STXBP2: variants seen among roughly 807,000 people sequenced by gnomAD.
The protein encoded by STXBP2 is syntaxin-binding protein 2.
Under a neutral mutation model 72.2 loss-of-function variants are expected in STXBP2, and 47 were observed. The ratio of observed to expected loss-of-function variants is 0.65; its 90% confidence interval spans 0.51 to 0.83. The LOEUF (loss-of-function observed/expected upper bound fraction) is 0.83, where lower values mean the gene tolerates loss of function less well. Among genes scored for constraint, STXBP2 ranks in the 40% least tolerant of loss-of-function variants. The pLI, the probability that STXBP2 is intolerant of heterozygous loss-of-function variation, is 0.00. For missense variants in STXBP2, 702 were observed against 807.6 expected (o/e 0.87, Z 1.58); for synonymous variants, 367 against 338.7 (o/e 1.08, Z -0.92).
chr19:7,646,442 A>G (rs2032142558), intron 16 of STXBP2, 98 bp downstream of exon 16: 1 of 1,133,808 alleles, frequency 8.8e-7, no homozygotes, highest in South Asian at 1.3e-5. Flanking sequence ...GCTTAGGGGA[A>G]AATGCTCATT....
the STXBP2 span, chr19:7,631,404 GGGGGT>G: frequency 2.8e-6 from 3 of 1,065,392 alleles, no homozygotes; most frequent in African/African-American, 4.8e-5. Context: ...GTGGGCGGGG[GGGGGT>G]GGTCCCGGCT....
upstream of STXBP2, among the ~76,000 whole-genome samples, chr19:7,634,271 G>A (rs1373913982): frequency 6.6e-6 from 1 of 152,010 alleles, no homozygotes. Flanking sequence ...CCCAAGCAGG[G>A]GATACCACTG....
chr19:7,640,050 TTG>T (rs201104139), intron 4 of STXBP2: 185 of 611,350 alleles, frequency 3.0e-4, no homozygotes, highest in South Asian at 5.2e-4. Context: ...GTGTGTGCAT[TTG>T]TGTGTATGTG....
rs918614261 is a variant in STXBP2, at chr19:7,639,314, C to G, written c.169+214C>G. On this transcript the variant is annotated intron_variant, in intron 3 of 18. Coordinates refer to ENST00000221283, the MANE Select transcript of STXBP2 (RefSeq NM_006949.4). ...CGGGAGCCCATGGATTGCAGGCCTC[C>G]CCTGCAGCACTCCCTGGCTGCAGCC... The G allele has an allele frequency of 9.3e-6, 6 of 648,566 alleles. No individual in the cohort carries two copies. In the African/African-American group the frequency reaches 1.1e-4, roughly 12 times the overall value. The allele number at this position is 648,566 out of a possible 1,614,324, so 40.2% of individuals were successfully genotyped here.
chr19:7,631,367 G>A, the STXBP2 span: 94 of 1,370,346 alleles, frequency 6.9e-5, no homozygotes, highest in South Asian at 1.2e-4. Context: ...CCCTGAAGCC[G>A]TGGTCTGGGG....
At chr19:7,646,574 TGCCTCC>T in intron 16 of STXBP2, 1 of 612,794 alleles carries the variant, frequency 1.6e-6, no homozygotes, top group South Asian at 1.8e-5. Context: ...ACCTGCCGGC[TGCCTCC>T]GCTATATCTC....
rs568064144 is a variant in STXBP2, at chr19:7,647,864, C to G, written c.*54C>G. 3 of 1,508,050 alleles carry G rather than the reference C, an allele frequency of 2.0e-6. No homozygotes were observed. The South Asian group carries it at 3.4e-5, about 17-fold the overall frequency. 93.4% of individuals were successfully genotyped at this position (1,508,050 alleles called of 1,614,324 possible). On this transcript the variant is annotated 3_prime_UTR_variant, in exon 19 of 19. Coordinates refer to ENST00000221283, the MANE Select transcript of STXBP2 (RefSeq NM_006949.4). ...TTCCAGAGAAATAAACTCTTCCCGT[C>G]GCTCTGCCAGCCAGTGCCTACCTCA...
intron 3 of STXBP2, 69 bp downstream of exon 3, chr19:7,639,169 G>A: frequency 6.5e-7 from 1 of 1,529,678 alleles, no homozygotes. Flanking sequence ...CCTCTCCCAG[G>A]GTTCAGCCCT....
intron 3 of STXBP2, 169 bp downstream of exon 3, chr19:7,639,269 T>A: frequency 1.3e-6 from 1 of 771,350 alleles, no homozygotes; most frequent in Non-Finnish European, 2.2e-6. Flanking sequence ...AATCCATTCT[T>A]AAACCTTGCA....
the STXBP2 span, chr19:7,630,253 C>G: frequency 2.2e-6 from 1 of 456,866 alleles, no homozygotes; most frequent in African/African-American, 2.0e-5. Flanking sequence ...TTTGGGGGTG[C>G]TCCCGGGATC....
the STXBP2 span, chr19:7,631,439 C>A: frequency 2.0e-6 from 3 of 1,520,122 alleles, no homozygotes; most frequent in Non-Finnish European, 2.6e-6. Flanking sequence ...GTGCCCCTCC[C>A]CCCTTCCTGT....
In STXBP2 at chr19:7,647,436, G is replaced by A. The variant is rs61736587; in HGVS notation, c.1621G>A (p.Gly541Ser). The change falls in exon 18 of 19, where the codon GGT (glycine) becomes AGT (serine). Residue 541 changes from glycine to serine, a missense_variant. Physicochemically the swap from Gly to Ser is moderately conservative, Grantham distance 56. Transcript: ENST00000221283. ...GPRLIVYVMGGVAMSEMRAAY... is the reference protein window; with the variant it reads ...GPRLIVYVMGSVAMSEMRAAY... Reference sequence around the variant, plus strand: ...CCGGCTCATCGTGTATGTCATGGGCGGTGTGGCCATGTCAGAGATGAGGGC... The same window carrying A: ...CCGGCTCATCGTGTATGTCATGGGCAGTGTGGCCATGTCAGAGATGAGGGC... The A allele has an allele frequency of 3.4e-4, 541 of 1,613,346 alleles. No individual in the cohort carries two copies. Among genetic ancestry groups the A allele is most frequent in the Non-Finnish European group, 4.3e-4 (511 of 1,179,884 alleles).
intron 13 of STXBP2, 86 bp from the exon 14 acceptor site, chr19:7,644,528 G>A: frequency 6.3e-7 from 1 of 1,580,542 alleles, no homozygotes; most frequent in South Asian, 1.1e-5. Flanking sequence ...CTCTTGCCGA[G>A]GATCCTGGGG....
At chr19:7,631,968 G>C (rs1053027325), upstream of STXBP2, 13 of 726,900 alleles carry the variant, frequency 1.8e-5, no homozygotes, top group Non-Finnish European at 2.4e-5. Flanking sequence ...GGTGGCATTT[G>C]AGTGTGAGGT....
chr19:7,640,478 A>C (rs1336310867), intron 4 of STXBP2: 1 of 634,558 alleles, frequency 1.6e-6, no homozygotes, highest in Admixed American at 2.2e-5. Flanking sequence ...CTGTGTGTGC[A>C]TGTGTGTATG....
At chr19:7,637,332 C>T (rs557604045) in intron 1 of STXBP2, 146 bp downstream of exon 1, 3 of 144,996 alleles carry the variant, frequency 2.1e-5, no homozygotes, top group Non-Finnish European at 2.9e-5. Flanking sequence ...AGGGGGCGGG[C>T]GGGGACGGGT....
At position 7,642,028 on chromosome 19, in the gene STXBP2, C is replaced by G. The variant is rs375979474; in HGVS notation, c.579-6C>G. ...TGATGTCCCCCGTGTCTGACCTCCC[C>G]GCCAGGGGCCCAGAGGACACAGCCC... On this transcript the variant is annotated splice_region_variant and splice_polypyrimidine_tract_variant and intron_variant, in intron 7 of 18. Coordinates refer to ENST00000221283, the MANE Select transcript of STXBP2 (RefSeq NM_006949.4). The surrounding 1 kb of genome is among the most constrained non-coding windows in gnomAD (Gnocchi z 6.0). 6.2e-7 allele frequency: 1 copy of G among 1,614,004 alleles called. No individual in the cohort carries two copies. Among genetic ancestry groups the G allele is most frequent in the Non-Finnish European group, 8.5e-7 (1 of 1,179,926 alleles).
rs948491486 is a variant in STXBP2, at chr19:7,645,325, T to C, written c.1356+19T>C. On this transcript the variant is annotated intron_variant, in intron 15 of 18. Coordinates refer to ENST00000221283, the MANE Select transcript of STXBP2 (RefSeq NM_006949.4). ...CCCCGGGGTACGCCAGGAGCGGGCA[T>C]GGGGGGACCCTGGGAGAGGGTGCGG... 5 of 1,560,848 alleles carry C rather than the reference T, an allele frequency of 3.2e-6. No individual in the cohort carries two copies. The highest frequency in any genetic ancestry group is 2.7e-5 in the African/African-American group (2 of 73,592).
At chr19:7,644,984 G>T in intron 14 of STXBP2, 1 of 1,448,186 alleles carries the variant, frequency 6.9e-7, no homozygotes, top group Non-Finnish European at 9.0e-7. Context: ...GATTCCTATA[G>T]ATGTGGGGCT....
Sources: allele counts gnomAD v4.1 joint callset (sites outside exome capture counted in the v4.1 genomes callset), GRCh38; gene constraint gnomAD v4.1.1; non-coding constraint Gnocchi (gnomAD v3.1); transcripts MANE v1.5; gene names NCBI Gene and HGNC (gene_info 2026-07-23, HGNC 2026-07-21).